Variants in UNC79 observed in about 807,000 individuals in gnomAD.
UNC79 encodes the protein protein unc-79 homolog.
A neutral mutation model predicts 283.1 loss-of-function variants in UNC79; 37 were observed. That is an observed-to-expected ratio of 0.13 (90% CI 0.10 to 0.17). The LOEUF is 0.17. Ranked by LOEUF, UNC79 falls within the 10% of genes least tolerant of loss-of-function variation. UNC79 has a pLI of 1.00. For synonymous variants in UNC79, 1,107 were observed against 1,200.2 expected, an observed-to-expected ratio of 0.92 and a Z score of 1.61; for missense variants, 2,272 against 3,211.1, an observed-to-expected ratio of 0.71 and a Z score of 7.07.
At chr14:93,615,741 A>AAAAAAAAAAAAAAAG (rs2066667756) in intron 27 of UNC79, among the ~76,000 whole-genome samples, 1 of 142,802 alleles carries the variant, frequency 7.0e-6, no homozygotes, top group African/African-American at 2.9e-5. Context: ...AAAAAAAAAA[A>AAAAAAAAAAAAAAAG]AAAAGAAAAG....
chr14:93,706,706 C>T (rs545983185), exon 49 of UNC79: 2 of 1,614,110 alleles, frequency 1.2e-6, no homozygotes, highest in South Asian at 2.2e-5. Flanking sequence ...TTCGACAGCA[C>T]TTATCTGCGG....
intron 23 of UNC79, 113 bp downstream of exon 23, chr14:93,593,950 C>T: frequency 8.2e-7 from 1 of 1,214,394 alleles, no homozygotes; most frequent in East Asian, 2.6e-5. Flanking sequence ...AAGGCATTCT[C>T]CTGCTGGCTG....
At chr14:93,495,948 A>G (rs958831454) in intron 5 of UNC79, among the ~76,000 whole-genome samples, 1 of 152,246 alleles carries the variant, frequency 6.6e-6, no homozygotes, top group African/African-American at 2.4e-5. Flanking sequence ...CTTCCTATCC[A>G]TTCAACCTTG....
At chr14:93,638,773 A>G (rs1425453281) in intron 32 of UNC79, among the ~76,000 whole-genome samples, 2 of 152,166 alleles carry the variant, frequency 1.3e-5, no homozygotes, top group Non-Finnish European at 1.5e-5. Context: ...TGCCTTTAAC[A>G]TTGCAGACTT....
rs550269383 is a variant in UNC79, at chr14:93,415,629, G to A, written c.-350-52042G>A. Among the ~76,000 whole-genome samples, 891 of 151,852 alleles carry A rather than the reference G, an allele frequency of 5.9e-3. 10 individuals are homozygous for A. The highest frequency in any genetic ancestry group is 0.02 in the African/African-American group (846 of 41,376). On this transcript the variant is annotated intron_variant, in intron 1 of 49. Transcript: ENST00000256339. The stretch of plus-strand genomic sequence containing the variant: ...CCTCCTTGTACCTCTGGTAGAATTC[G>A]GCTGTGAATCCATCTGGTCCTGGAC...
chr14:93,355,603 G>A (rs2054070516), intron 1 of UNC79, among the ~76,000 whole-genome samples: 1 of 152,172 alleles, frequency 6.6e-6, no homozygotes, highest in Non-Finnish European at 1.5e-5. Flanking sequence ...AAAGTACTGG[G>A]ATTATAGATG....
intron 41 of UNC79, among the ~76,000 whole-genome samples, chr14:93,676,285 C>T (rs2073335478): frequency 6.6e-6 from 1 of 152,054 alleles, no homozygotes; most frequent in South Asian, 2.1e-4. Context: ...GTCTTGAACT[C>T]CTGGACTCAA....
At chr14:93,584,922 C>A (rs1329489209) in intron 20 of UNC79, among the ~76,000 whole-genome samples, 2 of 151,892 alleles carry the variant, frequency 1.3e-5, no homozygotes, top group East Asian at 3.9e-4. Flanking sequence ...GTCTCGAACT[C>A]CTGACCTCAA....
chr14:93,586,893 A>G (rs76338379), exon 22 of UNC79: 5 of 1,613,794 alleles, frequency 3.1e-6, no homozygotes, highest in South Asian at 1.1e-5. Flanking sequence ...ATTCAGGACC[A>G]CATGTTGATT....
At chr14:93,371,435 CA>C (rs932303633) in intron 1 of UNC79, among the ~76,000 whole-genome samples, 1 of 151,726 alleles carries the variant, frequency 6.6e-6, no homozygotes, top group African/African-American at 2.4e-5. Flanking sequence ...CAAAACAAAA[CA>C]AAAAAACGCA....
At chr14:93,364,770 G>A (rs1327480226) in intron 1 of UNC79, among the ~76,000 whole-genome samples, 2 of 151,772 alleles carry the variant, frequency 1.3e-5, no homozygotes, top group African/African-American at 4.8e-5. Context: ...TGTGGATACT[G>A]GGGCCTAAAG....
At chr14:93,613,197 G>A (rs2066431716) in intron 27 of UNC79, 114 bp downstream of exon 28, 1 of 1,391,858 alleles carries the variant, frequency 7.2e-7, no homozygotes, top group Admixed American at 2.0e-5. Flanking sequence ...CAAATTGCTT[G>A]GTATTATGCA....
At chr14:93,577,966 T>C (rs749463417) in exon 18 of UNC79, 1 of 1,614,216 alleles carries the variant, frequency 6.2e-7, no homozygotes, top group East Asian at 2.2e-5. Context: ...TTCAAGAATT[T>C]TGGACACCCA....
chr14:93,359,637 A>G (rs1014094382), intron 1 of UNC79, among the ~76,000 whole-genome samples: 3 of 152,156 alleles, frequency 2.0e-5, no homozygotes, highest in Non-Finnish European at 4.4e-5. Context: ...TTGTTCCTAG[A>G]AGTGAAATTG....
chr14:93,545,426 C>G lies in UNC79; in HGVS notation c.1755+2730C>G, dbSNP rs76210517. Among the ~76,000 whole-genome samples, 702 of 152,274 alleles carry G rather than the reference C, an allele frequency of 4.6e-3. 3 individuals are homozygous for G. Among genetic ancestry groups the G allele is most frequent in the African/African-American group, 0.016 (668 of 41,544 alleles). ...TTGGACTTTTAGAGGTTTCTTGATGCTAGAAGTCAGGCCAAGAACTTGTCA... is the reference window on the plus strand; with the variant it reads ...TTGGACTTTTAGAGGTTTCTTGATGGTAGAAGTCAGGCCAAGAACTTGTCA... On this transcript the variant is annotated intron_variant, in intron 14 of 48. Coordinates refer to ENST00000555664, the Ensembl canonical transcript of UNC79.
At chr14:93,701,459 G>C (rs1283556795) in intron 47 of UNC79, among the ~76,000 whole-genome samples, 5 of 152,192 alleles carry the variant, frequency 3.3e-5, no homozygotes, top group Admixed American at 2.0e-4. Flanking sequence ...ACCAAGATAA[G>C]AGGAAGGGTA....
chr14:93,572,113 T>TA, intron 15 of UNC79, 29 bp downstream of exon 15: 1 of 1,606,706 alleles, frequency 6.2e-7, no homozygotes, highest in Non-Finnish European at 8.5e-7. Flanking sequence ...GAAGTCACTG[T>TA]AATTATAATC....
At chr14:93,655,396 T>C (rs1442352456) in exon 38 of UNC79, 1 of 1,613,918 alleles carries the variant, frequency 6.2e-7, no homozygotes, top group Non-Finnish European at 8.5e-7. Flanking sequence ...GCCTTGTGTT[T>C]TACCTCTGAA....
At chr14:93,656,359 C>G (rs889995662) in intron 38 of UNC79, among the ~76,000 whole-genome samples, 1 of 152,022 alleles carries the variant, frequency 6.6e-6, no homozygotes, top group Non-Finnish European at 1.5e-5. Context: ...AATCCCAACA[C>G]TTTGAGAGGC....
Sources: allele counts gnomAD v4.1 joint callset (sites outside exome capture counted in the v4.1 genomes callset), GRCh38; gene constraint gnomAD v4.1.1; transcripts MANE v1.5; gene names NCBI Gene and HGNC (gene_info 2026-07-23, HGNC 2026-07-21).